DRC1: variants seen among roughly 807,000 people sequenced by gnomAD.
The protein encoded by DRC1 is dynein regulatory complex subunit 1, also known as dynein regulatory complex protein 1.
In DRC1, 74 loss-of-function variants were observed where a neutral mutation model predicts 98.7. The ratio of observed to expected loss-of-function variants is 0.75; its 90% CI spans 0.62 to 0.91. The LOEUF is 0.91. DRC1 is among the 40% of genes least tolerant of loss of function. The probability of loss-of-function intolerance (pLI) is 0.00; values close to 1 mark genes in which losing one functional copy is unlikely to be tolerated. For missense variants in DRC1, 875 were observed against 886.0 expected (o/e 0.99, Z 0.16); for synonymous variants, 336 against 334.1 (o/e 1.01, Z -0.06).
intron 2 of DRC1, among the ~76,000 whole-genome samples, chr2:26,417,517 C>T (rs758120242): frequency 2.6e-5 from 4 of 152,012 alleles, no homozygotes; most frequent in African/African-American, 7.2e-5. Context: ...TTACCGGAGA[C>T]GGGATTTCAC....
chr2:26,421,139 A>C (rs537895608), intron 2 of DRC1, 149 bp from the exon 3 acceptor site: 1 of 575,850 alleles, frequency 1.7e-6, no homozygotes, highest in East Asian at 3.2e-5. Context: ...GGGTTGCTAC[A>C]CAGAGGCTAC....
intron 8 of DRC1, among the ~76,000 whole-genome samples, chr2:26,442,549 T>C (rs1663744883): frequency 6.6e-6 from 1 of 152,230 alleles, no homozygotes; most frequent in Non-Finnish European, 1.5e-5. Context: ...ATCCAGGCCT[T>C]ACCATTGCTT....
intron 5 of DRC1, chr2:26,430,531 C>T: frequency 1.8e-6 from 1 of 566,816 alleles, no homozygotes; most frequent in South Asian, 1.5e-5. Flanking sequence ...TTCCCTGCCT[C>T]TGATATTGAC....
In DRC1 at chr2:26,456,622, A is replaced by C. The variant is rs1664185259; in HGVS notation, c.*105A>C. ...GGCCGCACCTGGGCCTGCTCTCTGG[A>C]TTTTCCAGGGCTGTCTTTATAGCCT... On this transcript the variant is annotated 3_prime_UTR_variant, in exon 17 of 17. Transcript: ENST00000288710. 8 of 1,373,274 alleles carry C rather than the reference A, an allele frequency of 5.8e-6. No individual in the cohort carries two copies. Among genetic ancestry groups the C allele is most frequent in the African/African-American group, 2.9e-5 (2 of 69,658 alleles). 85.1% of individuals were successfully genotyped at this position (1,373,274 alleles called of 1,614,324 possible). A position where few individuals can be genotyped will look rare whatever the true frequency, so the allele number is the denominator to read the frequency against.
At chr2:26,405,260 A>G (rs1678380522) in intron 1 of DRC1, among the ~76,000 whole-genome samples, 1 of 152,114 alleles carries the variant, frequency 6.6e-6, no homozygotes, top group South Asian at 2.1e-4. Context: ...ATGATGCCAT[A>G]TTTTGTAAGC....
At chr2:26,429,802 G>T in intron 5 of DRC1, 37 bp downstream of exon 5, 1 of 1,610,190 alleles carries the variant, frequency 6.2e-7, no homozygotes. Flanking sequence ...TCTGCTCTTG[G>T]AGGGCCCCTG....
rs1311282332 is a variant in DRC1 at position 26,434,861 on chromosome 2, A to G, written c.888+2855A>G. On this transcript the variant is annotated intron_variant, in intron 7 of 16. Coordinates refer to ENST00000288710, the MANE Select transcript of DRC1 (RefSeq NM_145038.5). ...AGCCGAGATTTCACCACTGCACTCC[A>G]GCCTGGGTGACAGAGCGAGACTCCG... 3.3e-4 allele frequency among the ~76,000 whole-genome samples: 49 copies of G among 150,510 alleles called. No homozygotes were observed. The Admixed American group carries it at 3.3e-3, about 10-fold the overall frequency.
intron 10 of DRC1, among the ~76,000 whole-genome samples, chr2:26,446,628 CA>C (rs1663859576): frequency 6.6e-6 from 1 of 152,122 alleles, no homozygotes; most frequent in African/African-American, 2.4e-5. Flanking sequence ...TCAGTGACTT[CA>C]AAATAATGAA....
chr2:26,425,966 C>T (rs760965433), intron 4 of DRC1, among the ~76,000 whole-genome samples: 5 of 152,066 alleles, frequency 3.3e-5, no homozygotes, highest in African/African-American at 7.2e-5. Flanking sequence ...GTGTGATATC[C>T]AAGAAATTAT....
At chr2:26,408,512 G>A (rs1415581558) in intron 1 of DRC1, among the ~76,000 whole-genome samples, 6 of 152,186 alleles carry the variant, frequency 3.9e-5, no homozygotes, top group African/African-American at 1.4e-4. Flanking sequence ...AGTGGCTCAT[G>A]CCTGTAATCC....
intron 1 of DRC1, among the ~76,000 whole-genome samples, chr2:26,409,877 T>C (rs1678542134): frequency 6.6e-6 from 1 of 152,128 alleles, no homozygotes; most frequent in Non-Finnish European, 1.5e-5. Flanking sequence ...GGAAAGTCTT[T>C]AACATGAATG....
At chr2:26,428,526 C>T (rs1453292891) in intron 4 of DRC1, among the ~76,000 whole-genome samples, 3 of 152,206 alleles carry the variant, frequency 2.0e-5, no homozygotes, top group South Asian at 2.1e-4. Context: ...TGGCCGGGCA[C>T]GGTGGCTCAC....
At chr2:26,407,659 C>A (rs957596416) in intron 1 of DRC1, among the ~76,000 whole-genome samples, 4 of 152,040 alleles carry the variant, frequency 2.6e-5, no homozygotes, top group Non-Finnish European at 4.4e-5. Flanking sequence ...CCACCCGGCA[C>A]CCTCCTCCTC....
chr2:26,430,366 T>G (rs570842352), intron 5 of DRC1: 132 of 370,276 alleles, frequency 3.6e-4, no homozygotes, highest in South Asian at 2.7e-3. Context: ...GAGACTCATT[T>G]CTGCATTCCT....
intron 11 of DRC1, among the ~76,000 whole-genome samples, chr2:26,449,326 T>A (rs959137149): frequency 2.0e-5 from 3 of 152,260 alleles, no homozygotes; most frequent in African/African-American, 7.2e-5. Flanking sequence ...TTTGTTTGGA[T>A]CTTACGGTTC....
intron 2 of DRC1, among the ~76,000 whole-genome samples, chr2:26,418,546 AT>A (rs1678891862): frequency 8.8e-6 from 1 of 113,948 alleles, no homozygotes; most frequent in African/African-American, 3.7e-5. Context: ...TATATTATAA[AT>A]TATATATAAT....
intron 7 of DRC1, 64 bp downstream of exon 7, chr2:26,432,070 GT>G (rs1663451692): frequency 6.4e-7 from 1 of 1,562,602 alleles, no homozygotes; most frequent in African/African-American, 1.4e-5. Context: ...ACCTGTGAAT[GT>G]TTCATATTTA....
At chr2:26,420,220 T>G (rs555356407) in intron 2 of DRC1, among the ~76,000 whole-genome samples, 52 of 152,242 alleles carry the variant, frequency 3.4e-4, no homozygotes, top group African/African-American at 1.2e-3. Context: ...TGGCACACAT[T>G]ACTTCTCCTG....
chr2:26,409,098 A>ATTT (rs748498967), intron 1 of DRC1, among the ~76,000 whole-genome samples: 1 of 141,796 alleles, frequency 7.1e-6, no homozygotes, highest in Non-Finnish European at 1.6e-5. Flanking sequence ...TGCCCGGCTA[A>ATTT]TTTTTTTTTT....
Sources: allele counts gnomAD v4.1 joint callset (sites outside exome capture counted in the v4.1 genomes callset), GRCh38; gene constraint gnomAD v4.1.1; transcripts MANE v1.5; gene names NCBI Gene and HGNC (gene_info 2026-07-23, HGNC 2026-07-21).